The following SGCZ variants were observed in gnomAD, a reference collection of about 807,000 sequenced individuals.
SGCZ encodes zeta-sarcoglycan.
In SGCZ, 40 loss-of-function variants were observed where a neutral mutation model predicts 41.3. That is an observed-to-expected ratio of 0.97 (90% CI 0.75 to 1.26). The LOEUF (loss-of-function observed/expected upper bound fraction) is 1.26, where lower values mean the gene tolerates loss of function less well. SGCZ is among the 50% of genes most tolerant of loss of function. The probability of loss-of-function intolerance (pLI) is 0.00; values close to 1 mark genes in which losing one functional copy is unlikely to be tolerated. For synonymous variants in SGCZ, 206 were observed against 137.5 expected (o/e 1.50, Z -3.49); for missense variants, 552 against 369.8 (o/e 1.49, Z -4.04).
intron 1 of SGCZ, among the ~76,000 whole-genome samples, chr8:15,073,819 G>C (rs1563486403): frequency 6.6e-6 from 1 of 152,110 alleles, no homozygotes; most frequent in African/African-American, 2.4e-5. Context: ...CTGAGAATGA[G>C]AGTTTTGTAA....
At chr8:15,121,989 G>A (rs1807499055) in intron 1 of SGCZ, among the ~76,000 whole-genome samples, 2 of 151,028 alleles carry the variant, frequency 1.3e-5, no homozygotes, top group East Asian at 1.9e-4. Flanking sequence ...TGATGTGTAG[G>A]GATACAACAT....
chr8:14,575,305 G>C (rs1418948322), intron 1 of SGCZ, among the ~76,000 whole-genome samples: 2 of 152,166 alleles, frequency 1.3e-5, no homozygotes, highest in Non-Finnish European at 2.9e-5. Flanking sequence ...TGGCTACTTT[G>C]AGTTGAATGG....
At chr8:14,642,098 A>G (rs756874685) in intron 1 of SGCZ, among the ~76,000 whole-genome samples, 2 of 151,638 alleles carry the variant, frequency 1.3e-5, no homozygotes, top group Non-Finnish European at 3.0e-5. Flanking sequence ...TACTAATGGA[A>G]AAGCACCAGG....
intron 1 of SGCZ, among the ~76,000 whole-genome samples, chr8:14,982,157 CAAAA>C (rs10710626): frequency 1.1e-4 from 15 of 138,586 alleles, no homozygotes; most frequent in Non-Finnish European, 1.1e-4. Context: ...GACTCTGTCT[CAAAA>C]AAAAAAAAAA....
chr8:14,736,658 C>T (rs1446631603), intron 1 of SGCZ, among the ~76,000 whole-genome samples: 2 of 151,982 alleles, frequency 1.3e-5, no homozygotes, highest in Non-Finnish European at 2.9e-5. Context: ...CCCCAGAGTC[C>T]ATTGTGTCAT....
At chr8:14,535,607 T>C (rs924867430) in intron 2 of SGCZ, among the ~76,000 whole-genome samples, 1 of 151,954 alleles carries the variant, frequency 6.6e-6, no homozygotes, top group Non-Finnish European at 1.5e-5. Flanking sequence ...TAAGCCTTCA[T>C]AACTTTTATG....
intron 1 of SGCZ, among the ~76,000 whole-genome samples, chr8:15,173,471 T>C (rs186821841): frequency 3.3e-5 from 5 of 152,294 alleles, no homozygotes; most frequent in Non-Finnish European, 7.4e-5. Context: ...TAGGGCTCAC[T>C]GAATGTAGAG....
At chr8:14,721,807 C>A (rs746885214) in intron 1 of SGCZ, among the ~76,000 whole-genome samples, 1 of 152,108 alleles carries the variant, frequency 6.6e-6, no homozygotes, top group Non-Finnish European at 1.5e-5. Flanking sequence ...CCAAAACAAA[C>A]AAAAACCCTG....
rs1281019992 is a variant in SGCZ, at chr8:14,726,271, A to C, written c.40-171345T>G. ...GAGTGAGACTCTGTCTCAAAAAAAA[A>C]AAAAAATCATACGCGTGTGTGTGTG... On this transcript the variant is annotated intron_variant, in intron 1 of 7. Transcript: ENST00000382080. 2.7e-5 allele frequency among the ~76,000 whole-genome samples: 4 copies of C among 146,198 alleles called. No homozygotes were observed. The East Asian group carries it at 7.9e-4, about 29-fold the overall frequency.
chr8:14,892,947 A>G lies in SGCZ; in HGVS notation c.40-338021T>C, dbSNP rs577228285. On this transcript the variant is annotated intron_variant, in intron 1 of 7. Coordinates refer to ENST00000382080, the MANE Select transcript of SGCZ (RefSeq NM_139167.4). ...CACACCAGAAACAAAAACTACTAAA[A>G]CAAGGGCCAGTCATGATGTAGTTAT... is the stretch of plus-strand genomic sequence containing the variant. Among the ~76,000 whole-genome samples, 9 of 152,308 alleles carry G rather than the reference A, an allele frequency of 5.9e-5. No homozygotes were observed. In the South Asian group the frequency reaches 1.9e-3, roughly 32 times the overall value.
chr8:14,871,813 A>AT (rs201090212), intron 1 of SGCZ, among the ~76,000 whole-genome samples: 3,535 of 150,340 alleles, frequency 0.024, 51 homozygotes, highest in Middle Eastern at 0.049. Flanking sequence ...AAAAATGTAT[A>AT]ATATGTGTGT....
intron 6 of SGCZ, among the ~76,000 whole-genome samples, chr8:14,104,890 G>C (rs1036455220): frequency 3.9e-5 from 6 of 152,048 alleles, no homozygotes; most frequent in Non-Finnish European, 8.8e-5. Flanking sequence ...CTTGGATTCT[G>C]TAAAATGAAT....
rs923433351 is a variant in SGCZ, at chr8:14,828,074, A to G, written c.40-273148T>C. 3.3e-5 allele frequency among the ~76,000 whole-genome samples: 5 copies of G among 152,196 alleles called. No homozygotes were observed. In the East Asian group the frequency reaches 9.6e-4, roughly 29 times the overall value. The stretch of plus-strand genomic sequence containing the variant: ...GCTGATCACACATCAGCTTGAAATG[A>G]ATCTCTATTAGAAAAGTAATTCTGC... On this transcript the variant is annotated intron_variant, in intron 1 of 7. Transcript: ENST00000382080.
chr8:14,624,558 T>C (rs4831623), intron 1 of SGCZ, among the ~76,000 whole-genome samples: 1 of 43,476 alleles, frequency 2.3e-5, no homozygotes, highest in African/African-American at 7.7e-5. Context: ...TATTATTATT[T>C]TTTTTTTTTT....
chr8:15,201,164 G>A (rs1477895546), intron 1 of SGCZ, among the ~76,000 whole-genome samples: 2 of 152,142 alleles, frequency 1.3e-5, no homozygotes. Context: ...CTACAGGCCT[G>A]TGCCATCAAG....
intron 1 of SGCZ, among the ~76,000 whole-genome samples, chr8:15,051,981 C>A (rs919073314): frequency 1.3e-5 from 2 of 151,980 alleles, no homozygotes; most frequent in Admixed American, 6.6e-5. Flanking sequence ...AACTCGAGGC[C>A]AAGATCATTG....
intron 1 of SGCZ, among the ~76,000 whole-genome samples, chr8:15,019,763 T>G (rs187424057): frequency 6.6e-6 from 1 of 151,490 alleles, no homozygotes; most frequent in Non-Finnish European, 1.5e-5. Context: ...GACTCCAGCA[T>G]GTCTCCATCA....
At chr8:14,240,590 G>A (rs1798846406) in intron 3 of SGCZ, among the ~76,000 whole-genome samples, 1 of 151,990 alleles carries the variant, frequency 6.6e-6, no homozygotes, top group Non-Finnish European at 1.5e-5. Context: ...GTAGCTCTCA[G>A]AGGTAGTGAG....
intron 1 of SGCZ, among the ~76,000 whole-genome samples, chr8:15,092,041 C>T (rs1032537039): frequency 1.3e-5 from 2 of 152,138 alleles, no homozygotes; most frequent in Non-Finnish European, 2.9e-5. Context: ...GGATGAGGCA[C>T]CGTGCCTGGC....
Sources: gnomAD v4.1 joint callset for allele counts (sites outside exome capture counted in the v4.1 genomes callset) on GRCh38, gnomAD v4.1.1 for gene constraint, MANE v1.5 for transcripts, NCBI Gene and HGNC (gene_info 2026-07-23, HGNC 2026-07-21) for gene names.